Variants in AKT3 observed in about 807,000 individuals in gnomAD.
AKT3 encodes AKT serine/threonine kinase 3.
AKT3 carries 15 observed loss-of-function variants against 65.3 expected under a neutral mutation model. The ratio of observed to expected loss-of-function variants is 0.23; its 90% CI spans 0.15 to 0.35. AKT3 has a LOEUF of 0.35. Ranked by LOEUF, AKT3 falls within the 10% of genes least tolerant of loss-of-function variation. AKT3 has a pLI of 1.00. For synonymous variants in AKT3, 206 were observed against 183.8 expected (o/e 1.12, Z -0.98); for missense variants, 243 against 576.5 (o/e 0.42, Z 5.92).
At chr1:243,658,858 T>A (rs143421814) in intron 4 of AKT3, among the ~76,000 whole-genome samples, 1 of 119,224 alleles carries the variant, frequency 8.4e-6, no homozygotes, top group African/African-American at 3.3e-5. Context: ...AGAAACCTTG[T>A]CTCTACAAAA....
intron 2 of AKT3, among the ~76,000 whole-genome samples, chr1:243,752,668 G>A (rs1688880481): frequency 6.6e-6 from 1 of 152,096 alleles, no homozygotes; most frequent in Non-Finnish European, 1.5e-5. Context: ...CACTTTGCAG[G>A]TAGTCCCTTG....
At chr1:243,671,772 C>A (rs1683170648) in intron 3 of AKT3, among the ~76,000 whole-genome samples, 1 of 152,172 alleles carries the variant, frequency 6.6e-6, no homozygotes, top group South Asian at 2.1e-4. Context: ...TATTATCTTC[C>A]ATTTTCTAAA....
At chr1:243,655,723 G>A (rs1273238182) in intron 4 of AKT3, among the ~76,000 whole-genome samples, 1 of 151,894 alleles carries the variant, frequency 6.6e-6, no homozygotes, top group East Asian at 1.9e-4. Flanking sequence ...TTTCTTACAG[G>A]GTACAGTCCT....
chr1:243,815,380 C>T (rs536899205), intron 2 of AKT3, among the ~76,000 whole-genome samples: 90 of 152,230 alleles, frequency 5.9e-4, no homozygotes, highest in African/African-American at 2.1e-3. Flanking sequence ...AACAAGGATC[C>T]CCTTTCCTCG....
chr1:243,686,649 ATATTTTTTTTTTTTTTTTTTTTTTT>A (rs1684336428), intron 3 of AKT3, among the ~76,000 whole-genome samples: 1 of 22,496 alleles, frequency 4.4e-5, no homozygotes, highest in Non-Finnish European at 9.5e-5. Flanking sequence ...ATATATATAT[ATATTTTTTTTTTTTTTTTTTTTTTT>A]TTTTTTTTTT....
intron 2 of AKT3, among the ~76,000 whole-genome samples, chr1:243,793,834 G>A (rs1691781290): frequency 6.6e-6 from 1 of 151,006 alleles, no homozygotes; most frequent in African/African-American, 2.4e-5. Context: ...TAGGGTCTAG[G>A]AGCTCGACTG....
intron 2 of AKT3, among the ~76,000 whole-genome samples, chr1:243,696,145 CT>C (rs954011341): frequency 7.9e-4 from 114 of 144,918 alleles, no homozygotes; most frequent in Middle Eastern, 3.5e-3. Context: ...CTAATTGTGT[CT>C]TTTTTTTTTC....
At chr1:243,505,417 A>C (rs1429931418) in intron 13 of AKT3, 83 bp from the exon 14 acceptor site, 3 of 1,228,106 alleles carry the variant, frequency 2.4e-6, no homozygotes, top group Non-Finnish European at 3.5e-6. Context: ...TAAACTCTGA[A>C]CATAGGAAAG....
chr1:243,657,531 T>G (rs148932196), intron 4 of AKT3, among the ~76,000 whole-genome samples: 9 of 152,180 alleles, frequency 5.9e-5, no homozygotes, highest in African/African-American at 2.2e-4. Context: ...CCCATGTTCA[T>G]GCACTGAAAG....
In AKT3 at chr1:243,772,534, A is replaced by G. The variant is rs533423109; in HGVS notation, c.46+70591T>C. Among the ~76,000 whole-genome samples, 950 of 152,288 alleles carry G rather than the reference A, an allele frequency of 6.2e-3. 1 individual carries two copies. Among genetic ancestry groups the G allele is most frequent in the Non-Finnish European group, 0.01 (700 of 68,012 alleles). Reference sequence around the variant, plus strand: ...ATGGCGATCATTAAAAAGTCAGGAAACAACAGGTGCTGGAGAGGATGTGGA... The same window carrying G: ...ATGGCGATCATTAAAAAGTCAGGAAGCAACAGGTGCTGGAGAGGATGTGGA... On this transcript the variant is annotated intron_variant, in intron 2 of 13. Coordinates refer to ENST00000673466, the MANE Select transcript of AKT3 (RefSeq NM_005465.7).
intron 8 of AKT3, among the ~76,000 whole-genome samples, chr1:243,588,177 T>C (rs1675938916): frequency 6.6e-6 from 1 of 152,130 alleles, no homozygotes; most frequent in Admixed American, 6.5e-5. Context: ...AGAACACTAA[T>C]GAGGAGGAAG....
At chr1:243,818,785 A>T (rs1693682969) in intron 2 of AKT3, among the ~76,000 whole-genome samples, 1 of 152,062 alleles carries the variant, frequency 6.6e-6, no homozygotes. Context: ...AGAACAAAAA[A>T]GGCCAGTGAA....
chr1:243,684,081 T>C (rs1472176896), intron 3 of AKT3, among the ~76,000 whole-genome samples: 1 of 152,140 alleles, frequency 6.6e-6, no homozygotes, highest in Admixed American at 6.6e-5. Context: ...TCTGATCCAA[T>C]GGTGTTAGAT....
Position 243,815,337 on chromosome 1 carries a change from A to G in AKT3, c.46+27788T>C, listed in dbSNP as rs1424962798. ...TTTTCTATTTTCCATCTTATTGCAC[A>G]TGACAGAGTTGCTAAACTTTCTGCC... is the stretch of plus-strand genomic sequence containing the variant. On this transcript the variant is annotated intron_variant, in intron 2 of 13. Coordinates refer to ENST00000673466, the MANE Select transcript of AKT3 (RefSeq NM_005465.7). 5.3e-5 allele frequency among the ~76,000 whole-genome samples: 8 copies of G among 152,312 alleles called. No homozygotes were observed. In the East Asian group the frequency reaches 1.4e-3, roughly 26 times the overall value.
chr1:243,653,137 G>C (rs1319595284), intron 4 of AKT3, among the ~76,000 whole-genome samples: 1 of 151,964 alleles, frequency 6.6e-6, no homozygotes, highest in African/African-American at 2.4e-5. Flanking sequence ...AAATCAAATA[G>C]ACACAATAAA....
At chr1:243,589,231 G>A (rs190715719) in intron 8 of AKT3, among the ~76,000 whole-genome samples, 16 of 149,832 alleles carry the variant, frequency 1.1e-4, no homozygotes, top group Middle Eastern at 3.4e-3. Flanking sequence ...GCTTGAACCC[G>A]GGAGGCAGAG....
In AKT3 at chr1:243,552,790, T is replaced by C; in HGVS notation, c.1102A>G (p.Thr368Ala). ...AATGATTTTGCATCTGAAGAGAGTGTTCGAGGAAATTTAATGTCTTCCATT... is the reference window on the plus strand; with the variant it reads ...AATGATTTTGCATCTGAAGAGAGTGCTCGAGGAAATTTAATGTCTTCCATT... ...ILMEDIKFPR[T>A]LSSDAKSLLS... The change falls in exon 11 of 14, where the codon ACA (threonine) becomes GCA (alanine). Residue 368 changes from threonine to alanine, a missense_variant. By Grantham distance (58) the Thr-to-Ala change is moderately conservative. This residue lies in a region of AKT3 where 20 missense variants were observed against 68.4 expected (regional missense o/e 0.29). Coordinates refer to ENST00000673466, the MANE Select transcript of AKT3 (RefSeq NM_005465.7). 3 of 1,614,108 alleles carry C rather than the reference T, an allele frequency of 1.9e-6. No individual in the cohort carries two copies. The highest frequency in any genetic ancestry group is 2.5e-6 in the Non-Finnish European group (3 of 1,180,004).
intron 2 of AKT3, among the ~76,000 whole-genome samples, chr1:243,816,702 T>A (rs1452790971): frequency 6.6e-6 from 1 of 150,972 alleles, no homozygotes; most frequent in East Asian, 2.0e-4. Flanking sequence ...AGAATAGAAA[T>A]CTGAATCAGT....
intron 12 of AKT3, among the ~76,000 whole-genome samples, chr1:243,539,494 A>G (rs949572237): frequency 6.6e-6 from 1 of 152,184 alleles, no homozygotes; most frequent in Non-Finnish European, 1.5e-5. Flanking sequence ...TGGGTTTTTG[A>G]GCATGGTGCC....
Sources: gnomAD v4.1 joint callset for allele counts (sites outside exome capture counted in the v4.1 genomes callset) on GRCh38, gnomAD v4.1.1 for gene constraint, gnomAD v4.1.1 regional missense constraint, MANE v1.5 for transcripts, NCBI Gene and HGNC (gene_info 2026-07-23, HGNC 2026-07-21) for gene names.